The following NSL1 variants were observed in gnomAD, a reference collection of about 807,000 sequenced individuals.
NSL1 encodes the protein kinetochore-associated protein NSL1 homolog.
NSL1 carries 11 observed loss-of-function variants against 25.4 expected under a neutral mutation model. The ratio of observed to expected loss-of-function variants is 0.43; its 90% CI spans 0.27 to 0.72. NSL1 has a LOEUF of 0.72. Among genes scored for constraint, NSL1 ranks in the 30% least tolerant of loss-of-function variants. The probability of loss-of-function intolerance (pLI) is 0.19; values close to 1 mark genes in which losing one functional copy is unlikely to be tolerated. For missense variants in NSL1, 330 were observed against 342.7 expected, an observed-to-expected ratio of 0.96 and a Z score of 0.29; for synonymous variants, 118 against 120.6, an observed-to-expected ratio of 0.98 and a Z score of 0.14.
At chr1:212,753,179 C>A (rs945891256) in intron 4 of NSL1, among the ~76,000 whole-genome samples, 4 of 152,214 alleles carry the variant, frequency 2.6e-5, no homozygotes, top group African/African-American at 9.6e-5. Context: ...CACCTTCCCA[C>A]CTACACCTCA....
intron 4 of NSL1, among the ~76,000 whole-genome samples, chr1:212,779,269 C>T (rs1323493274): frequency 1.3e-5 from 2 of 149,306 alleles, no homozygotes; most frequent in African/African-American, 5.0e-5. Context: ...CCAGCCGCCC[C>T]GTCTCGGAGG....
chr1:212,776,446 T>A (rs1458628768), intron 4 of NSL1, among the ~76,000 whole-genome samples: 3 of 151,786 alleles, frequency 2.0e-5, no homozygotes, highest in Non-Finnish European at 4.4e-5. Flanking sequence ...CCCAGCTACT[T>A]GAGAGGCTGA....
intron 4 of NSL1, among the ~76,000 whole-genome samples, chr1:212,770,529 A>G (rs10127756): frequency 0.2 from 31,051 of 152,148 alleles, 3,995 homozygotes; most frequent in African/African-American, 0.37. Flanking sequence ...CCAATAACAC[A>G]TAACAAGATT....
chr1:212,776,968 A>G (rs1004595065), intron 4 of NSL1, among the ~76,000 whole-genome samples: 1 of 152,016 alleles, frequency 6.6e-6, no homozygotes, highest in Non-Finnish European at 1.5e-5. Flanking sequence ...CAGGAGGATC[A>G]TAATAAAGAT....
chr1:212,762,215 T>C (rs1248098984), intron 4 of NSL1, among the ~76,000 whole-genome samples: 1 of 149,594 alleles, frequency 6.7e-6, no homozygotes, highest in African/African-American at 2.5e-5. Flanking sequence ...GGAGAATCAC[T>C]TGAACCCGGG....
Position 212,729,916 on chromosome 1 carries a change from C to A in NSL1, c.*8492G>T. ...TGAGGGGGCAGGTAACCAGAAGCTG[C>A]CTTGTGGAGGAACTAAACCTCCGGA... On this transcript the variant is annotated 3_prime_UTR_variant, in exon 6 of 6. Transcript: ENST00000366977. 1 of 985,138 alleles carries A rather than the reference C, an allele frequency of 1.0e-6. No homozygotes were observed. Among genetic ancestry groups the A allele is most frequent in the Non-Finnish European group, 1.2e-6 (1 of 829,880 alleles). The allele number at this position is 985,138 out of a possible 1,614,324, so 61.0% of individuals were successfully genotyped here.
chr1:212,785,697 T>C (rs1438085599), intron 2 of NSL1, among the ~76,000 whole-genome samples: 6 of 152,172 alleles, frequency 3.9e-5, no homozygotes, highest in Non-Finnish European at 8.8e-5. Context: ...AACTTTATTT[T>C]GAAAATCATT....
Position 212,730,202 on chromosome 1 carries a change from A to G in NSL1, c.*8206T>C. 3.1e-6 allele frequency: 3 copies of G among 953,050 alleles called. No homozygotes were observed. The highest frequency in any genetic ancestry group is 3.7e-6 in the Non-Finnish European group (3 of 814,090). 59.0% of individuals were successfully genotyped at this position (953,050 alleles called of 1,614,324 possible). A position where few individuals can be genotyped will look rare whatever the true frequency, so the allele number is the denominator to read the frequency against. On this transcript the variant is annotated 3_prime_UTR_variant, in exon 6 of 6. Coordinates refer to ENST00000366977, the MANE Select transcript of NSL1 (RefSeq NM_015471.4). Reference sequence around the variant, plus strand: ...GAGGTGGAGGTTGCAGTGAGTTGAGATCGCTCCACTACACTCCAGCCTGGG... The same window carrying G: ...GAGGTGGAGGTTGCAGTGAGTTGAGGTCGCTCCACTACACTCCAGCCTGGG...
chr1:212,766,156 A>C (rs971235064), intron 4 of NSL1: 3 of 558,636 alleles, frequency 5.4e-6, no homozygotes, highest in South Asian at 2.3e-5. Flanking sequence ...AAACAAAAAA[A>C]CCCTCAACAA....
intron 4 of NSL1, among the ~76,000 whole-genome samples, chr1:212,775,473 T>C (rs78476990): frequency 0.023 from 3,462 of 152,050 alleles, 63 homozygotes; most frequent in South Asian, 0.042. Context: ...GTATAATGAA[T>C]GAGAGTAAAT....
At chr1:212,767,300 C>G (rs914371191) in intron 4 of NSL1, among the ~76,000 whole-genome samples, 31 of 152,038 alleles carry the variant, frequency 2.0e-4, no homozygotes, top group African/African-American at 7.0e-4. Context: ...TACTTACAGT[C>G]AACTGATCTT....
chr1:212,753,320 C>A (rs1054401035), intron 4 of NSL1, among the ~76,000 whole-genome samples: 19 of 152,350 alleles, frequency 1.2e-4, no homozygotes, highest in African/African-American at 4.6e-4. Flanking sequence ...CTATTACTCA[C>A]TTCACTACAG....
At chr1:212,747,103 C>A (rs1171339339) in intron 4 of NSL1, among the ~76,000 whole-genome samples, 5 of 149,942 alleles carry the variant, frequency 3.3e-5, no homozygotes. Flanking sequence ...TGAGATCGCA[C>A]TGCACTCCAG....
intron 4 of NSL1, among the ~76,000 whole-genome samples, chr1:212,754,536 G>T (rs1659210681): frequency 6.6e-6 from 1 of 152,094 alleles, no homozygotes; most frequent in Non-Finnish European, 1.5e-5. Context: ...CAGCACTTAA[G>T]GAGGCTGAGA....
chr1:212,791,540 T>C lies in NSL1; in HGVS notation c.224A>G (p.Asp75Gly). ...PEEIREPALR[D>G]AQWTFESAVQ... ...TAACTGGTCCCGTACCCACTGCGCA[T>C]CTCGCAGAGCGGGCTCCCGAATCTC... is the stretch of plus-strand genomic sequence containing the variant. The change falls in exon 1 of 6, where the codon GAT (aspartate) becomes GGT (glycine). Residue 75 changes from aspartate (D) to glycine (G), a missense_variant. Asp to Gly is a moderately conservative substitution (Grantham distance 94). Transcript: ENST00000366977. The C allele has an allele frequency of 1.9e-6, 3 of 1,613,496 alleles. No homozygotes were observed. The highest frequency in any genetic ancestry group is 2.5e-6 in the Non-Finnish European group (3 of 1,179,898).
At chr1:212,771,683 A>C (rs79541841) in intron 4 of NSL1, among the ~76,000 whole-genome samples, 1 of 151,934 alleles carries the variant, frequency 6.6e-6, no homozygotes, top group Non-Finnish European at 1.5e-5. Flanking sequence ...CAAAACAAAC[A>C]CAAAAATCAG....
At position 212,732,389 on chromosome 1, in the gene NSL1, T is replaced by C; in HGVS notation, c.*6019A>G. The C allele has an allele frequency of 1.9e-6, 1 of 525,826 alleles. No individual in the cohort carries two copies. Among genetic ancestry groups the C allele is most frequent in the Non-Finnish European group, 2.4e-6 (1 of 411,596 alleles). The allele number at this position is 525,826 out of a possible 1,614,324, so 32.6% of individuals were successfully genotyped here. Reference sequence around the variant, plus strand: ...GTGCGATGGCGTGATCTTGGCTCACTGCAACCTCTGCCTCCTGGGTTCAAG... The same window carrying C: ...GTGCGATGGCGTGATCTTGGCTCACCGCAACCTCTGCCTCCTGGGTTCAAG... On this transcript the variant is annotated 3_prime_UTR_variant, in exon 6 of 6. Transcript: ENST00000366977.
intron 4 of NSL1, among the ~76,000 whole-genome samples, chr1:212,740,171 T>C (rs1377503817): frequency 6.6e-6 from 1 of 152,216 alleles, no homozygotes; most frequent in Non-Finnish European, 1.5e-5. Flanking sequence ...AAAAAATTGT[T>C]CCATTATGAA....
Position 212,732,291 on chromosome 1 carries a change from A to C in NSL1, c.*6117T>G, listed in dbSNP as rs1658054001. ...GTCACTTTTATTTTTTTCTGAAAAT[A>C]TCTCTTTTGGAGTCCTACATAGTCC... is the stretch of plus-strand genomic sequence containing the variant. On this transcript the variant is annotated 3_prime_UTR_variant, in exon 6 of 6. Transcript: ENST00000366977. 8.3e-6 allele frequency: 8 copies of C among 966,774 alleles called. No individual in the cohort carries two copies. The highest frequency in any genetic ancestry group is 6.3e-5 in the Admixed American group (1 of 15,996). The allele number at this position is 966,774 out of a possible 1,614,324, so 59.9% of individuals were successfully genotyped here.
Sources: allele counts gnomAD v4.1 joint callset (sites outside exome capture counted in the v4.1 genomes callset), GRCh38; gene constraint gnomAD v4.1.1; transcripts MANE v1.5; gene names NCBI Gene and HGNC (gene_info 2026-07-23, HGNC 2026-07-21).